SEC16A: variants seen among roughly 807,000 people sequenced by gnomAD.
The protein encoded by SEC16A is protein transport protein Sec16A.
SEC16A carries 110 observed loss-of-function variants against 221.9 expected under a neutral mutation model. That is an observed-to-expected ratio of 0.50 (90% CI 0.42 to 0.58). The LOEUF (loss-of-function observed/expected upper bound fraction) is 0.58, where lower values mean the gene tolerates loss of function less well. SEC16A is among the 20% of genes least tolerant of loss of function. SEC16A has a pLI of 0.00. For synonymous variants in SEC16A, 1,393 were observed against 1,257.7 expected (o/e 1.11, Z -2.28); for missense variants, 3,165 against 3,097.8 (o/e 1.02, Z -0.52).
intron 20 of SEC16A, among the ~76,000 whole-genome samples, chr9:136,455,225 G>A (rs550621618): frequency 2.0e-5 from 3 of 152,338 alleles, no homozygotes; most frequent in East Asian, 1.9e-4. Flanking sequence ...TTCCACCGAC[G>A]GGGCCGACTG....
At chr9:136,480,758 C>T (rs1399127515) in intron 1 of SEC16A, among the ~76,000 whole-genome samples, 1 of 151,972 alleles carries the variant, frequency 6.6e-6, no homozygotes, top group African/African-American at 2.4e-5. Flanking sequence ...GGCGTGGTGG[C>T]GGGCGCCTGT....
At position 136,451,558 on chromosome 9, in the gene SEC16A, T is replaced by C. The variant is rs1166286746; in HGVS notation, c.6160-150A>G. The C allele has an allele frequency of 2.5e-5, 23 of 918,098 alleles. No individual in the cohort carries two copies. In the East Asian group the frequency reaches 6.5e-4, roughly 26 times the overall value. 56.9% of individuals were successfully genotyped at this position (918,098 alleles called of 1,614,324 possible). On this transcript the variant is annotated intron_variant, in intron 22 of 31. Transcript: ENST00000684901. The stretch of plus-strand genomic sequence containing the variant: ...GACCAGAGGGAGGCAGGAAGGGGGC[T>C]GGGGAGAGCAGCCCCCTGACTGGGC...
chr9:136,445,031 A>G (rs1346021510), intron 30 of SEC16A, 21 bp downstream of exon 30: 1 of 1,598,010 alleles, frequency 6.3e-7, no homozygotes, highest in Non-Finnish European at 8.5e-7. Context: ...CATGTTAGTG[A>G]GGACCACCAG....
chr9:136,476,414 T>C lies in SEC16A; in HGVS notation c.1202A>G (p.Asp401Gly). ...TAGCCCAGGGCTGGAGCAGAAATCG[T>C]CAAAGTCCGCTTGACCAGATAAGCC... ...KAGLSGQADF[D>G]DFCSSPGLGR... Residue 401 changes from aspartate (D) to glycine (G), a missense_variant, in exon 3 of 32, where the codon GAC becomes GGC. Asp to Gly is a moderately conservative substitution (Grantham distance 94, BLOSUM62 -1). Coordinates refer to ENST00000684901, the MANE Select transcript of SEC16A (RefSeq NM_014866.2). The C allele has an allele frequency of 6.2e-7, 1 of 1,612,928 alleles. No homozygotes were observed. Among genetic ancestry groups the C allele is most frequent in the South Asian group, 1.1e-5 (1 of 91,074 alleles).
chr9:136,448,382 G>C, intron 23 of SEC16A: 1 of 691,828 alleles, frequency 1.4e-6, no homozygotes, highest in South Asian at 1.5e-5. Flanking sequence ...TGGAGGTGGG[G>C]GGCGATCCAC....
upstream of SEC16A, among the ~76,000 whole-genome samples, chr9:136,483,292 G>A (rs1483034685): frequency 1.1e-5 from 1 of 87,278 alleles, no homozygotes; most frequent in Non-Finnish European, 2.1e-5. Flanking sequence ...CCCGCCCCCC[G>A]CCCGTCTTCC....
intron 22 of SEC16A, 83 bp from the exon 23 acceptor site, chr9:136,451,491 G>C (rs560337635): frequency 1.4e-6 from 2 of 1,440,668 alleles, no homozygotes; most frequent in African/African-American, 1.4e-5. Context: ...TTCCCCAGGC[G>C]TGTTTCCTAA....
intron 1 of SEC16A, among the ~76,000 whole-genome samples, chr9:136,480,098 G>C (rs78229473): frequency 6.6e-4 from 100 of 152,316 alleles, no homozygotes; most frequent in African/African-American, 2.3e-3. Context: ...GCTCTCATCT[G>C]AAAACAAAGA....
At chr9:136,473,552 C>T (rs1419694157) in intron 3 of SEC16A, among the ~76,000 whole-genome samples, 2 of 152,268 alleles carry the variant, frequency 1.3e-5, no homozygotes, top group African/African-American at 2.4e-5. Flanking sequence ...GACTCCGCCT[C>T]GCTTAGCTGA....
In SEC16A at chr9:136,474,868, C is replaced by G. The variant is rs753735507; in HGVS notation, c.2748G>C (p.Met916Ile). Residue 916 changes from methionine to isoleucine, a missense_variant, in exon 3 of 32, where the codon ATG becomes ATC. Met to Ile is a conservative substitution (Grantham distance 10). Transcript: ENST00000684901. ...NFPQGSGASEMVSNQPANLLV... is the reference protein window; with the variant it reads ...NFPQGSGASEIVSNQPANLLV... ...GCAAATTAGCAGGCTGATTAGAAAC[C>G]ATTTCGGAAGCACCAGAACCTTGTG... 8 of 1,613,744 alleles carry G rather than the reference C, an allele frequency of 5.0e-6. No homozygotes were observed. In the Admixed American group the frequency reaches 1.3e-4, roughly 27 times the overall value.
Position 136,476,801 on chromosome 9 carries a change from G to A in SEC16A, c.815C>T (p.Pro272Leu), listed in dbSNP as rs188027809. 98 of 1,611,326 alleles carry A rather than the reference G, an allele frequency of 6.1e-5. No individual in the cohort carries two copies. In the East Asian group the frequency reaches 2.1e-3, roughly 35 times the overall value. Reference sequence around the variant, plus strand: ...TCTTCCGTCACTGGGCAAGGCTGCTGGGGGAGCCACCAGAGGGCTGTGTTG... The same window carrying A: ...TCTTCCGTCACTGGGCAAGGCTGCTAGGGGAGCCACCAGAGGGCTGTGTTG... The part of the protein sequence containing the change: ...HEQHSPLVAP[P>L]AALPSDGRDE... Residue 272 changes from proline (P) to leucine (L), a missense_variant, in exon 3 of 32, where the codon CCA becomes CTA. Physicochemically the swap from Pro to Leu is moderately conservative, Grantham distance 98. Around this residue, in one of 3 missense-constraint regions of SEC16A, gnomAD observed 2,030 missense variants for 1,923.1 expected, o/e 1.06. Transcript: ENST00000684901.
At chr9:136,484,250 T>G, upstream of SEC16A, 1 of 619,512 alleles carries the variant, frequency 1.6e-6, no homozygotes, top group Non-Finnish European at 2.1e-6. Flanking sequence ...CGGTGGCGAG[T>G]GGGCCCGGGC....
At chr9:136,449,846 CA>C (rs1029602483) in intron 23 of SEC16A, among the ~76,000 whole-genome samples, 8 of 152,122 alleles carry the variant, frequency 5.3e-5, no homozygotes, top group African/African-American at 1.7e-4. Flanking sequence ...TTCAAGACAG[CA>C]GCCATAAAAG....
At position 136,463,620 on chromosome 9, in the gene SEC16A, G is replaced by A; in HGVS notation, c.4509-19C>T. On this transcript the variant is annotated intron_variant, in intron 10 of 31. Coordinates refer to ENST00000684901, the MANE Select transcript of SEC16A (RefSeq NM_014866.2). ...GTCGTCTCTGCAGAAAGAACACACA[G>A]TGAGCAGTGATGTCTGCAAGGCCGG... 1.9e-6 allele frequency: 3 copies of A among 1,613,746 alleles called. No individual in the cohort carries two copies. Among genetic ancestry groups the A allele is most frequent in the Non-Finnish European group, 2.5e-6 (3 of 1,179,772 alleles).
chr9:136,475,384 G>A lies in SEC16A; in HGVS notation c.2232C>T (p.Ala744=). ...GTTTTGCACACACATAAAGCGCCGG[G>A]GCTGCAGGGGCCAGAAGGACGTTGC... is the stretch of plus-strand genomic sequence containing the variant. ...FGGNVLLAPA[A]PALYVCAKPQ... Residue 744 remains alanine (A), a synonymous_variant, in exon 3 of 32, where the codon GCC becomes GCT. Transcript: ENST00000684901. This position sits in a 1 kb window ranked among gnomAD's most constrained non-coding sequence, Gnocchi z 5.0. 1.2e-6 allele frequency: 2 copies of A among 1,609,896 alleles called. No individual in the cohort carries two copies. The highest frequency in any genetic ancestry group is 1.7e-5 in the Admixed American group (1 of 59,662).
At chr9:136,479,641 C>T (rs1182999544) in intron 1 of SEC16A, among the ~76,000 whole-genome samples, 2 of 152,144 alleles carry the variant, frequency 1.3e-5, no homozygotes, top group East Asian at 1.9e-4. Flanking sequence ...CGTGAGCCAC[C>T]GTGCCTGGCC....
In SEC16A at chr9:136,446,963, A is replaced by C; in HGVS notation, c.6698-14T>G. 3 of 1,613,394 alleles carry C rather than the reference A, an allele frequency of 1.9e-6. No homozygotes were observed. The South Asian group carries it at 3.3e-5, about 18-fold the overall frequency. On this transcript the variant is annotated splice_polypyrimidine_tract_variant and intron_variant, in intron 27 of 31. Coordinates refer to ENST00000684901, the MANE Select transcript of SEC16A (RefSeq NM_014866.2). ...GTTCTTCTGCATCTGGGGATGAGAG[A>C]GCGAGGAGGCCATCATTCCGTCCCG...
chr9:136,484,183 C>T (rs1842737969), upstream of SEC16A: 4 of 232,706 alleles, frequency 1.7e-5, no homozygotes, highest in African/African-American at 4.7e-5. Flanking sequence ...TCGGTTCGTT[C>T]CCCCGGCCGC....
intron 3 of SEC16A, 101 bp downstream of exon 3, chr9:136,473,948 A>C: frequency 7.5e-7 from 1 of 1,326,204 alleles, no homozygotes; most frequent in Non-Finnish European, 1.0e-6. Context: ...GTGACCCCGG[A>C]ACCAAGCGAA....
Sources: gnomAD v4.1 joint callset for allele counts (sites outside exome capture counted in the v4.1 genomes callset) on GRCh38, gnomAD v4.1.1 for gene constraint, gnomAD v4.1.1 regional missense constraint, Gnocchi (gnomAD v3.1) non-coding constraint, MANE v1.5 for transcripts, NCBI Gene and HGNC (gene_info 2026-07-23, HGNC 2026-07-21) for gene names.